The following CSMD2 variants were observed in gnomAD, a reference collection of about 807,000 sequenced individuals.
CSMD2 encodes the protein CUB and sushi domain-containing protein 2.
A neutral mutation model predicts 398.5 loss-of-function variants in CSMD2; 130 were observed. The ratio of observed to expected loss-of-function variants is 0.33; its 90% CI spans 0.28 to 0.38. CSMD2 has a LOEUF of 0.38. Ranked by LOEUF, CSMD2 falls within the 10% of genes least tolerant of loss-of-function variation. CSMD2 has a pLI of 1.00. For synonymous variants in CSMD2, 1,828 were observed against 1,908.5 expected, an observed-to-expected ratio of 0.96 and a Z score of 1.10; for missense variants, 3,829 against 4,764.9, an observed-to-expected ratio of 0.80 and a Z score of 5.78.
chr1:34,020,086 G>A (rs892552778), intron 3 of CSMD2, among the ~76,000 whole-genome samples: 3 of 152,208 alleles, frequency 2.0e-5, no homozygotes, highest in Non-Finnish European at 1.5e-5. Flanking sequence ...CATATGTCAG[G>A]AGGTGCTAGG....
chr1:33,581,354 T>TTAAAAAAAAAAAAAAAAAAAAAAAAAA (rs1553146953), intron 47 of CSMD2, among the ~76,000 whole-genome samples: 1 of 84,218 alleles, frequency 1.2e-5, no homozygotes. Context: ...CCATCTTTAC[T>TTAAAAAAAAAAAAAAAAAAAAAAAAAA]AAAAAAAAAA....
intron 3 of CSMD2, among the ~76,000 whole-genome samples, chr1:33,978,052 G>A (rs1377650285): frequency 6.6e-6 from 1 of 152,102 alleles, no homozygotes. Flanking sequence ...CTTTAAGTGT[G>A]TTGTTTATCC....
chr1:33,999,861 C>T (rs1331386422), intron 3 of CSMD2, among the ~76,000 whole-genome samples: 1 of 152,158 alleles, frequency 6.6e-6, no homozygotes, highest in Non-Finnish European at 1.5e-5. Context: ...TAATGTCCTT[C>T]AAGAGAGAAT....
intron 1 of CSMD2, among the ~76,000 whole-genome samples, chr1:34,131,320 T>G (rs1438726063): frequency 6.6e-6 from 1 of 152,192 alleles, no homozygotes. Context: ...GTCAAAGTTC[T>G]GTCTGCTCTA....
At chr1:33,521,358 C>T (rs768990318) in intron 68 of CSMD2, 105 bp downstream of exon 68, 9 of 779,178 alleles carry the variant, frequency 1.2e-5, no homozygotes, top group East Asian at 2.5e-5. Flanking sequence ...AAAGCACCCC[C>T]GCCTCAGACT....
intron 49 of CSMD2, among the ~76,000 whole-genome samples, chr1:33,575,298 A>C (rs1659969217): frequency 6.6e-6 from 1 of 152,194 alleles, no homozygotes; most frequent in Non-Finnish European, 1.5e-5. Context: ...TGGAAACAGC[A>C]GTAGAGAAGT....
At chr1:33,683,492 A>C (rs1286420887) in intron 25 of CSMD2, among the ~76,000 whole-genome samples, 1 of 152,194 alleles carries the variant, frequency 6.6e-6, no homozygotes, top group Non-Finnish European at 1.5e-5. Context: ...TGGTCAACCC[A>C]CAGGGAACGT....
At chr1:33,914,123 C>T (rs7524683) in intron 5 of CSMD2, among the ~76,000 whole-genome samples, 10,346 of 152,022 alleles carry the variant, frequency 0.068, 426 homozygotes, top group Middle Eastern at 0.11. Context: ...TTTCTTAGAA[C>T]GTGATGGAAA....
At chr1:33,806,855 TGA>T (rs757547044) in intron 10 of CSMD2, among the ~76,000 whole-genome samples, 44 of 152,090 alleles carry the variant, frequency 2.9e-4, no homozygotes, top group African/African-American at 1.0e-3. Context: ...AGAGAAAGTA[TGA>T]GAGAGGTTAA....
At chr1:33,528,436 C>A (rs1654973546) in intron 64 of CSMD2, among the ~76,000 whole-genome samples, 1 of 152,256 alleles carries the variant, frequency 6.6e-6, no homozygotes, top group Non-Finnish European at 1.5e-5. Flanking sequence ...TTTAGCAAAT[C>A]TCCTTCAACT....
At position 33,928,204 on chromosome 1, in the gene CSMD2, G is replaced by A. The variant is rs148691996; in HGVS notation, c.712+7556C>T. Among the ~76,000 whole-genome samples the A allele has an allele frequency of 9.2e-5, 14 of 152,292 alleles. No homozygotes were observed. In the East Asian group the frequency reaches 2.1e-3, roughly 23 times the overall value. On this transcript the variant is annotated intron_variant, in intron 4 of 70. Transcript: ENST00000373381. Reference sequence around the variant, plus strand: ...ATGGCTGTTAGGCACGTGGACTTGCGCTGAATCCTGGCTCCACCACTCTCA... The same window carrying A: ...ATGGCTGTTAGGCACGTGGACTTGCACTGAATCCTGGCTCCACCACTCTCA...
chr1:34,062,267 G>C (rs974413474), intron 2 of CSMD2, among the ~76,000 whole-genome samples: 1 of 152,214 alleles, frequency 6.6e-6, no homozygotes, highest in Non-Finnish European at 1.5e-5. Context: ...GAGGCATTCT[G>C]AGGTAGCATT....
Position 33,792,487 on chromosome 1 carries a change from C to G in CSMD2, c.1486G>C (p.Gly496Arg). ...LAFEEFDLER[G>R]YDTLTVGDGG... ...TCACCGACCGTCAGGGTGTCATAGC[C>G]CCTCTCCAAATCAAACTCCTCAAAG... The change falls in exon 11 of 71, where the codon GGC becomes CGC. Residue 496 changes from glycine (G) to arginine (R), a missense_variant. This residue lies in a region of CSMD2 where 2,001 missense variants were observed against 2,567.1 expected (regional missense o/e 0.78). Transcript: ENST00000373381. 1.2e-6 allele frequency: 2 copies of G among 1,614,060 alleles called. No homozygotes were observed. The highest frequency in any genetic ancestry group is 1.7e-6 in the Non-Finnish European group (2 of 1,179,988).
intron 2 of CSMD2, among the ~76,000 whole-genome samples, chr1:34,044,380 T>C (rs913695992): frequency 6.6e-6 from 1 of 152,244 alleles, no homozygotes; most frequent in African/African-American, 2.4e-5. Context: ...GAATAGATTA[T>C]GTAACAGATC....
intron 12 of CSMD2, among the ~76,000 whole-genome samples, chr1:33,779,588 T>C (rs1652439665): frequency 6.6e-6 from 1 of 152,204 alleles, no homozygotes; most frequent in Non-Finnish European, 1.5e-5. Context: ...TGCCATCCTC[T>C]CTTCCCGAAA....
rs141407515 is a variant in CSMD2, at chr1:33,584,920, G to A, written c.7052-1090C>T. The stretch of plus-strand genomic sequence containing the variant: ...CTGGAGGAGCAGGATTCGTTATTTC[G>A]TCATCACCATGAGTGGGAGGGAAGC... On this transcript the variant is annotated intron_variant, in intron 46 of 70. Transcript: ENST00000373381. Among the ~76,000 whole-genome samples, 732 of 152,154 alleles carry A rather than the reference G, an allele frequency of 4.8e-3. 3 individuals are homozygous for A. Among genetic ancestry groups the A allele is most frequent in the African/African-American group, 0.016 (658 of 41,492 alleles).
intron 44 of CSMD2, chr1:33,600,197 T>A: frequency 1.4e-6 from 1 of 715,456 alleles, no homozygotes; most frequent in East Asian, 2.7e-5. Context: ...GAGCTGGGAG[T>A]AAAATCCAGC....
At chr1:33,677,231 C>A (rs1644746914) in intron 25 of CSMD2, among the ~76,000 whole-genome samples, 1 of 152,114 alleles carries the variant, frequency 6.6e-6, no homozygotes, top group Non-Finnish European at 1.5e-5. Flanking sequence ...GGCTAACATC[C>A]AGAATCTACA....
chr1:33,726,480 T>C, intron 16 of CSMD2, 67 bp downstream of exon 16: 1 of 1,526,052 alleles, frequency 6.6e-7, no homozygotes, highest in Non-Finnish European at 8.9e-7. Flanking sequence ...CACCCTGCAT[T>C]CCCTCCCACG....
Sources: gnomAD v4.1 joint callset for allele counts (sites outside exome capture counted in the v4.1 genomes callset) on GRCh38, gnomAD v4.1.1 for gene constraint, gnomAD v4.1.1 regional missense constraint, MANE v1.5 for transcripts, NCBI Gene and HGNC (gene_info 2026-07-23, HGNC 2026-07-21) for gene names.